ZNF451: variants seen among roughly 807,000 people sequenced by gnomAD.
ZNF451 encodes E3 SUMO-protein ligase ZNF451.
In ZNF451, 80 loss-of-function variants were observed where a neutral mutation model predicts 107.1. The observed-to-expected ratio is 0.75, with a 90% CI of 0.62 to 0.90. The LOEUF is 0.90. Ranked by LOEUF, ZNF451 falls within the 40% of genes least tolerant of loss-of-function variation. The pLI is 0.00. For missense variants in ZNF451, 1,107 were observed against 1,236.2 expected (o/e 0.90, Z 1.57); for synonymous variants, 362 against 406.5 (o/e 0.89, Z 1.32).
intron 3 of ZNF451, chr6:57,108,600 T>C: frequency 1.0e-6 from 1 of 985,394 alleles, no homozygotes; most frequent in Non-Finnish European, 1.2e-6. Flanking sequence ...AGAATATAGT[T>C]ATATAAGTAG....
At chr6:57,138,134 C>T (rs1831525424) in intron 7 of ZNF451, among the ~76,000 whole-genome samples, 1 of 152,046 alleles carries the variant, frequency 6.6e-6, no homozygotes, top group South Asian at 2.1e-4. Flanking sequence ...CATATGGTAC[C>T]TTTTTAATTT....
chr6:57,155,054 A>G (rs147937583), intron 13 of ZNF451, among the ~76,000 whole-genome samples: 2 of 152,232 alleles, frequency 1.3e-5, no homozygotes, highest in African/African-American at 4.8e-5. Flanking sequence ...TAATGATGGA[A>G]GATTATAAAA....
intron 3 of ZNF451, among the ~76,000 whole-genome samples, chr6:57,122,505 T>C (rs936068342): frequency 7.2e-5 from 11 of 152,136 alleles, no homozygotes; most frequent in African/African-American, 2.7e-4. Flanking sequence ...ATCCAGAATT[T>C]ATAAGGACTT....
intron 14 of ZNF451, among the ~76,000 whole-genome samples, chr6:57,163,596 G>A (rs1452337022): frequency 4.0e-5 from 6 of 149,894 alleles, no homozygotes; most frequent in South Asian, 2.1e-4. Flanking sequence ...GACTACAGGC[G>A]CCCGCCACCA....
At chr6:57,167,655 CTG>C (rs1372899744) in intron 14 of ZNF451, among the ~76,000 whole-genome samples, 1 of 152,096 alleles carries the variant, frequency 6.6e-6, no homozygotes, top group Non-Finnish European at 1.5e-5. Context: ...CTCTGAGAGA[CTG>C]TGGACCAGAT....
chr6:57,106,067 T>C (rs1264410132), intron 3 of ZNF451: 1 of 985,238 alleles, frequency 1.0e-6, no homozygotes, highest in Non-Finnish European at 1.2e-6. Context: ...CTAAGTGACC[T>C]GATTGATAAT....
chr6:57,130,232 G>C (rs974766233), intron 5 of ZNF451, among the ~76,000 whole-genome samples: 8 of 152,092 alleles, frequency 5.3e-5, no homozygotes, highest in Non-Finnish European at 8.8e-5. Context: ...CTCCAAATCT[G>C]ACTGTTATTA....
In ZNF451 at chr6:57,161,163, A is replaced by G. The variant is rs372566787; in HGVS notation, c.3139+11A>G. 3.5e-6 allele frequency: 5 copies of G among 1,447,872 alleles called. No individual in the cohort carries two copies. The African/African-American group carries it at 5.8e-5, about 17-fold the overall frequency. The allele number at this position is 1,447,872 out of a possible 1,614,324, so 89.7% of individuals were successfully genotyped here. On this transcript the variant is annotated intron_variant, in intron 14 of 14. Coordinates refer to ENST00000370706, the MANE Select transcript of ZNF451 (RefSeq NM_001031623.3). ...TTATATCCACAGAAGGTAACCTAAT[A>G]GAGTTAATCTCTTTTCTACTTGACT...
intron 13 of ZNF451, chr6:57,159,483 A>T: frequency 1.7e-6 from 1 of 590,396 alleles, no homozygotes; most frequent in Non-Finnish European, 2.1e-6. Flanking sequence ...CTTTGAATGT[A>T]GCCCAACACA....
At chr6:57,121,521 AC>A (rs1255458016) in intron 3 of ZNF451, among the ~76,000 whole-genome samples, 1 of 152,126 alleles carries the variant, frequency 6.6e-6, no homozygotes, top group Non-Finnish European at 1.5e-5. Flanking sequence ...ATACCTCTCC[AC>A]TTCTTGAGAG....
intron 3 of ZNF451, 127 bp from the exon 4 acceptor site, chr6:57,124,607 A>G: frequency 1.3e-6 from 1 of 749,308 alleles, no homozygotes; most frequent in East Asian, 2.7e-5. Context: ...AAAACCTACA[A>G]TACACAAAAT....
intron 13 of ZNF451, among the ~76,000 whole-genome samples, chr6:57,157,299 CAT>C: frequency 6.6e-6 from 1 of 151,634 alleles, no homozygotes; most frequent in Middle Eastern, 3.5e-3. Flanking sequence ...CATATGGTAT[CAT>C]ACTAGGAGAA....
At chr6:57,162,960 G>A (rs565909772) in intron 14 of ZNF451, among the ~76,000 whole-genome samples, 4 of 152,266 alleles carry the variant, frequency 2.6e-5, no homozygotes, top group African/African-American at 9.6e-5. Context: ...TAAAATAGAG[G>A]TGGGGATAAA....
rs1355026910 is a variant in ZNF451, at chr6:57,147,967, T to C, written c.1882T>C (p.Leu628=). The C allele has an allele frequency of 6.2e-7, 1 of 1,614,002 alleles. No individual in the cohort carries two copies. Among genetic ancestry groups the C allele is most frequent in the Non-Finnish European group, 8.5e-7 (1 of 1,179,976 alleles). The change falls in exon 10 of 15, where the codon TTG becomes CTG. Residue 628 remains leucine (L), a synonymous_variant. Coordinates refer to ENST00000370706, the MANE Select transcript of ZNF451 (RefSeq NM_001031623.3). The part of the protein sequence containing the change: ...QEYVKQHCMS[L]ASHKFHRYSC... ...ATATGTAAAACAGCACTGCATGTCT[T>C]TGGCAAGCCACAAGTTTCATAGATA...
intron 9 of ZNF451, among the ~76,000 whole-genome samples, chr6:57,145,717 G>C (rs2127977543): frequency 6.6e-6 from 1 of 152,192 alleles, no homozygotes; most frequent in African/African-American, 2.4e-5. Flanking sequence ...CACTTAGGTT[G>C]ATTCCATTCA....
In ZNF451 at chr6:57,128,418, A is replaced by G. The variant is rs868533081; in HGVS notation, c.313-311A>G. Among the ~76,000 whole-genome samples the G allele has an allele frequency of 3.3e-5, 5 of 152,270 alleles. No individual in the cohort carries two copies. In the East Asian group the frequency reaches 5.8e-4, roughly 18 times the overall value. ...TGGCGACCTACTTGATATCCAAAGT[A>G]TATTTCCACACCTTTGAAAAATTTG... On this transcript the variant is annotated intron_variant, in intron 4 of 14. Transcript: ENST00000370706.
At chr6:57,098,980 C>A in intron 2 of ZNF451, 81 bp from the exon 3 acceptor site, 4 of 1,138,850 alleles carry the variant, frequency 3.5e-6, no homozygotes, top group Non-Finnish European at 3.9e-6. Flanking sequence ...CAGTCCCAAC[C>A]AAAAAAAACA....
At chr6:57,138,704 CA>C (rs1831564958) in intron 7 of ZNF451, among the ~76,000 whole-genome samples, 1 of 43,756 alleles carries the variant, frequency 2.3e-5, no homozygotes, top group African/African-American at 1.1e-4. Context: ...GCAGCTATGC[CA>C]TATATATATA....
chr6:57,106,610 AATT>A, intron 3 of ZNF451: 1 of 765,180 alleles, frequency 1.3e-6, no homozygotes, highest in Non-Finnish European at 1.6e-6. Context: ...CTGGCTGTGA[AATT>A]TTTTTTTTTT....
Sources: gnomAD v4.1 joint callset for allele counts (sites outside exome capture counted in the v4.1 genomes callset) on GRCh38, gnomAD v4.1.1 for gene constraint, MANE v1.5 for transcripts, NCBI Gene and HGNC (gene_info 2026-07-23, HGNC 2026-07-21) for gene names.